Variants in SHANK1 observed in about 807,000 individuals in gnomAD.
SHANK1 encodes the protein SH3 and multiple ankyrin repeat domains protein 1.
Under a neutral mutation model 165.6 loss-of-function variants are expected in SHANK1, and 35 were observed. The observed-to-expected ratio is 0.21, with a 90% CI of 0.16 to 0.28. The LOEUF (loss-of-function observed/expected upper bound fraction) is 0.28. Among genes scored for constraint, SHANK1 ranks in the 10% least tolerant of loss-of-function variants. SHANK1 has a pLI of 1.00. For missense variants in SHANK1, 2,681 were observed against 3,036.4 expected, an observed-to-expected ratio of 0.88 and a Z score of 2.75; for synonymous variants, 1,428 against 1,384.8, an observed-to-expected ratio of 1.03 and a Z score of -0.69.
intron 15 of SHANK1, 59 bp from the exon 16 acceptor site, chr19:50,689,338 GA>G: frequency 7.8e-7 from 1 of 1,280,078 alleles, no homozygotes; most frequent in East Asian, 2.3e-5. Flanking sequence ...GACATCATGA[GA>G]CACAGAGGCT....
chr19:50,686,259 G>A lies in SHANK1; in HGVS notation c.2555C>T (p.Pro852Leu), dbSNP rs1242389096. 6.2e-7 allele frequency: 1 copy of A among 1,604,230 alleles called. No homozygotes were observed. The part of the protein sequence containing the change: ...GGLASLGKHR[P>L]KGFFATESSF... ...TACCTCAGTGGCAAAGAAACCTTTG[G>A]GTCGGTGTTTGCCCAGGGACGCGAG... Residue 852 changes from proline (P) to leucine (L), a missense_variant, in exon 21 of 24, where the codon CCC (proline) becomes CTC (leucine). Around this residue, in one of 10 missense-constraint regions of SHANK1, gnomAD observed 206 missense variants for 216.0 expected, o/e 0.95. Coordinates refer to ENST00000293441, the MANE Select transcript of SHANK1 (RefSeq NM_016148.5). This position sits in a 1 kb window ranked among gnomAD's most constrained non-coding sequence, Gnocchi z 5.7.
chr19:50,680,960 G>A (rs1036636546), intron 21 of SHANK1, among the ~76,000 whole-genome samples: 2 of 152,130 alleles, frequency 1.3e-5, no homozygotes, highest in African/African-American at 4.8e-5. Context: ...CTGGCTGATA[G>A]TGGCGTCTTA....
intron 15 of SHANK1, among the ~76,000 whole-genome samples, chr19:50,694,689 C>T (rs1203362822): frequency 6.8e-6 from 1 of 147,684 alleles, no homozygotes; most frequent in Non-Finnish European, 1.5e-5. Context: ...GAGAGGATTC[C>T]AGGGAGGAAG....
Position 50,688,101 on chromosome 19 carries a change from G to T in SHANK1, c.2173-43C>A, listed in dbSNP as rs567048818. On this transcript the variant is annotated intron_variant, in intron 17 of 23. Coordinates refer to ENST00000293441, the MANE Select transcript of SHANK1 (RefSeq NM_016148.5). The surrounding 1 kb of genome is among the most constrained non-coding windows in gnomAD (Gnocchi z 6.7). ...CCAGATCACACAGAGTAGACGAGGG[G>T]AGGGGTGCTTGCAGCTTCAGAGACC... 2.1e-5 allele frequency: 34 copies of T among 1,610,716 alleles called. No homozygotes were observed. The African/African-American group carries it at 3.7e-4, about 18-fold the overall frequency.
At chr19:50,675,437 G>A (rs1472424898) in intron 21 of SHANK1, among the ~76,000 whole-genome samples, 1 of 152,166 alleles carries the variant, frequency 6.6e-6, no homozygotes, top group Non-Finnish European at 1.5e-5. Context: ...AGAGTTTCCT[G>A]GGGTCTGTAT....
rs1232180278 is a variant in SHANK1 at position 50,688,755 on chromosome 19, A to C, written c.2172+89T>G. Reference sequence around the variant, plus strand: ...GGAATCCTGGTGCCAAAGGAGAATAAAACTGGGCAGCCAGATCCTGGTGTG... The same window carrying C: ...GGAATCCTGGTGCCAAAGGAGAATACAACTGGGCAGCCAGATCCTGGTGTG... On this transcript the variant is annotated intron_variant, in intron 17 of 23. Coordinates refer to ENST00000293441, the MANE Select transcript of SHANK1 (RefSeq NM_016148.5). This position sits in a 1 kb window ranked among gnomAD's most constrained non-coding sequence, Gnocchi z 6.7. 1 of 1,407,910 alleles carries C rather than the reference A, an allele frequency of 7.1e-7. No individual in the cohort carries two copies. Among genetic ancestry groups the C allele is most frequent in the Non-Finnish European group, 9.6e-7 (1 of 1,037,264 alleles). The allele number at this position is 1,407,910 out of a possible 1,614,324, so 87.2% of individuals were successfully genotyped here.
intron 15 of SHANK1, among the ~76,000 whole-genome samples, chr19:50,691,003 T>C (rs1467850724): frequency 6.6e-6 from 1 of 152,094 alleles, no homozygotes; most frequent in East Asian, 1.9e-4. Context: ...GGCACCTCAG[T>C]GCACCTAACA....
chr19:50,695,585 G>A (rs1394613895), intron 15 of SHANK1, among the ~76,000 whole-genome samples: 7 of 151,950 alleles, frequency 4.6e-5, no homozygotes, highest in Non-Finnish European at 7.4e-5. Context: ...CGCGGGGAGA[G>A]GGAGGCACAA....
chr19:50,704,261 T>C lies in SHANK1; in HGVS notation c.1156-75A>G. On this transcript the variant is annotated intron_variant, in intron 9 of 23. Transcript: ENST00000293441. ...AGAGAGGGCAGGGAACGTGGCGAGG[T>C]CCCTGGCCCGACCCAAACCTTCCAC... The C allele has an allele frequency of 2.0e-6, 3 of 1,497,916 alleles. No homozygotes were observed. The South Asian group carries it at 3.4e-5, about 17-fold the overall frequency. The allele number at this position is 1,497,916 out of a possible 1,614,324, so 92.8% of individuals were successfully genotyped here.
intron 15 of SHANK1, among the ~76,000 whole-genome samples, chr19:50,693,694 G>A (rs1986621088): frequency 6.6e-6 from 1 of 151,932 alleles, no homozygotes; most frequent in South Asian, 2.1e-4. Context: ...TCCATGGCCT[G>A]CCCAGAGGCC....
chr19:50,714,170 AC>A lies in SHANK1; in HGVS notation c.640+11del. ...TGGCCCTGAGGTCCTCCTGATGCGC[AC>A]CCCTCCCTACCTCCCGAATCCGAGT... On this transcript the variant is annotated intron_variant, in intron 5 of 23. Coordinates refer to ENST00000293441, the MANE Select transcript of SHANK1 (RefSeq NM_016148.5). 6.2e-7 allele frequency: 1 copy of A among 1,610,828 alleles called. No individual in the cohort carries two copies. Among genetic ancestry groups the A allele is most frequent in the Non-Finnish European group, 8.5e-7 (1 of 1,177,804 alleles).
At chr19:50,696,551 C>T (rs1290993203) in intron 15 of SHANK1, among the ~76,000 whole-genome samples, 1 of 152,050 alleles carries the variant, frequency 6.6e-6, no homozygotes, top group Non-Finnish European at 1.5e-5. Context: ...ATATTTTAGA[C>T]ACCAAATTAT....
Position 50,668,946 on chromosome 19 carries a change from T to TGGTGGTGGTGGGGCG in SHANK1, c.2999_3013dup (p.Pro1000_His1004dup), listed in dbSNP as rs1161892547. On this transcript the variant is annotated inframe_insertion, in exon 23 of 24. Coordinates refer to ENST00000293441, the MANE Select transcript of SHANK1 (RefSeq NM_016148.5). The stretch of plus-strand genomic sequence containing the variant: ...GGGCTGAGGGGGCGGGGCGTGGTGG[T>TGGTGGTGGTGGGGCG]GGTGGTGGTGGGGCGGGTGGTGGTG... The TGGTGGTGGTGGGGCG allele has an allele frequency of 1.7e-5, 3 of 181,396 alleles. No homozygotes were observed. The highest frequency in any genetic ancestry group is 1.8e-4 in the African/African-American group (1 of 5,638). 11.2% of individuals were successfully genotyped at this position (181,396 alleles called of 1,614,324 possible). A position where few individuals can be genotyped will look rare whatever the true frequency, so the allele number is the denominator to read the frequency against.
chr19:50,686,688 A>G lies in SHANK1; in HGVS notation c.2458+56T>C. 6.6e-7 allele frequency: 1 copy of G among 1,521,154 alleles called. No individual in the cohort carries two copies. Among genetic ancestry groups the G allele is most frequent in the Non-Finnish European group, 9.1e-7 (1 of 1,099,232 alleles). The allele number at this position is 1,521,154 out of a possible 1,614,324, so 94.2% of individuals were successfully genotyped here. On this transcript the variant is annotated intron_variant, in intron 20 of 23. Coordinates refer to ENST00000293441, the MANE Select transcript of SHANK1 (RefSeq NM_016148.5). The surrounding 1 kb of genome is among the most constrained non-coding windows in gnomAD (Gnocchi z 5.7). Reference sequence around the variant, plus strand: ...GGGGTTCATGGTGGGACAGGGATGCAGCGGGTGCCGGGGCTGGGGCCCGGC... The same window carrying G: ...GGGGTTCATGGTGGGACAGGGATGCGGCGGGTGCCGGGGCTGGGGCCCGGC...
chr19:50,672,576 A>AAAAAAAAAAG (rs1568430014), intron 21 of SHANK1, among the ~76,000 whole-genome samples: 2 of 151,042 alleles, frequency 1.3e-5, no homozygotes, highest in African/African-American at 2.4e-5. Context: ...AAAAAAAAAA[A>AAAAAAAAAAG]AAAAGAAAAG....
intron 15 of SHANK1, among the ~76,000 whole-genome samples, chr19:50,695,671 G>A (rs899051631): frequency 3.3e-5 from 5 of 152,142 alleles, no homozygotes; most frequent in Middle Eastern, 3.2e-3. Context: ...GGACACCGCG[G>A]GTGAGAGAGG....
At chr19:50,669,773 A>T (rs1054357496) in intron 22 of SHANK1, among the ~76,000 whole-genome samples, 3 of 73,152 alleles carry the variant, frequency 4.1e-5, no homozygotes, top group African/African-American at 2.9e-4. Context: ...TTGGATCTAT[A>T]AAAAAAAAAA....
chr19:50,679,297 G>A (rs1300858546), intron 21 of SHANK1, among the ~76,000 whole-genome samples: 3 of 151,470 alleles, frequency 2.0e-5, no homozygotes, highest in Non-Finnish European at 4.4e-5. Context: ...CCCGACAGAG[G>A]AGGGTGCAGA....
At chr19:50,707,880 T>G (rs1204674122) in intron 8 of SHANK1, among the ~76,000 whole-genome samples, 4 of 2,454 alleles carry the variant, frequency 1.6e-3, no homozygotes, top group African/African-American at 0.014. Context: ...TGCGTGTTTT[T>G]CTTTTCTTTT....
Sources: allele counts gnomAD v4.1 joint callset (sites outside exome capture counted in the v4.1 genomes callset), GRCh38; gene constraint gnomAD v4.1.1; regional missense constraint gnomAD v4.1.1; non-coding constraint Gnocchi (gnomAD v3.1); transcripts MANE v1.5; gene names NCBI Gene and HGNC (gene_info 2026-07-23, HGNC 2026-07-21).